Variants in SGCD observed in about 807,000 individuals in gnomAD.
SGCD encodes the protein sarcoglycan delta.
In SGCD, 18 loss-of-function variants were observed where a neutral mutation model predicts 36.6. The observed-to-expected ratio is 0.49, with a 90% CI of 0.34 to 0.73. The LOEUF is 0.73. Among genes scored for constraint, SGCD ranks in the 30% least tolerant of loss-of-function variants. The pLI is 0.01. For synonymous variants in SGCD, 133 were observed against 130.6 expected, an observed-to-expected ratio of 1.02 and a Z score of -0.12; for missense variants, 387 against 346.7, an observed-to-expected ratio of 1.12 and a Z score of -0.92.
At chr5:156,198,549 T>G (rs1010132372) in intron 3 of SGCD, among the ~76,000 whole-genome samples, 1 of 152,098 alleles carries the variant, frequency 6.6e-6, no homozygotes, top group Non-Finnish European at 1.5e-5. Flanking sequence ...GGGATTTGTA[T>G]TTAGCCTGAC....
At chr5:156,459,312 G>T (rs2127815411) in intron 3 of SGCD, among the ~76,000 whole-genome samples, 1 of 152,306 alleles carries the variant, frequency 6.6e-6, no homozygotes, top group Middle Eastern at 3.4e-3. Context: ...TGTAGTCTAA[G>T]TGGAGAGTTA....
At chr5:156,229,299 T>TATATATATATATATATAA (rs1561575035) in intron 3 of SGCD, among the ~76,000 whole-genome samples, 2 of 76,402 alleles carry the variant, frequency 2.6e-5, no homozygotes, top group Non-Finnish European at 5.5e-5. Context: ...TATATATATA[T>TATATATATATATATATAA]AAAATTAGTT....
Position 156,413,462 on chromosome 5 carries a change from T to C in SGCD, c.192+68785T>C, listed in dbSNP as rs532934030. The stretch of plus-strand genomic sequence containing the variant: ...CCTAGAAGGCCAAATGCAGGATGAA[T>C]GGTCATGTCTTGCAGTTGAAACCTT... On this transcript the variant is annotated intron_variant, in intron 3 of 8. Transcript: ENST00000337851. Among the ~76,000 whole-genome samples the C allele has an allele frequency of 3.9e-5, 6 of 152,326 alleles. No individual in the cohort carries two copies. The East Asian group carries it at 1.2e-3, about 29-fold the overall frequency.
chr5:156,175,710 A>C (rs775100251), intron 3 of SGCD, among the ~76,000 whole-genome samples: 2 of 152,252 alleles, frequency 1.3e-5, no homozygotes, highest in African/African-American at 4.8e-5. Flanking sequence ...AATATACTCC[A>C]AATAAATTCA....
chr5:156,421,609 G>A (rs1773313252), intron 3 of SGCD, among the ~76,000 whole-genome samples: 1 of 151,984 alleles, frequency 6.6e-6, no homozygotes. Context: ...ATTTCAGAGG[G>A]GGAGAATGGG....
chr5:156,501,141 T>C (rs1039931673), intron 3 of SGCD, among the ~76,000 whole-genome samples: 2 of 152,194 alleles, frequency 1.3e-5, no homozygotes, highest in African/African-American at 4.8e-5. Context: ...AAATGGTCTC[T>C]AGAATTCACG....
Position 156,449,410 on chromosome 5 carries a change from G to C in SGCD, c.193-59191G>C, listed in dbSNP as rs138794551. ...CTCTAGTAACTAGTTCACTGCCTGA[G>C]AAATTCAGTATGTTTGTGAACTGAA... On this transcript the variant is annotated intron_variant, in intron 3 of 8. Coordinates refer to ENST00000337851, the MANE Select transcript of SGCD (RefSeq NM_000337.6). Among the ~76,000 whole-genome samples, 3 of 152,114 alleles carry C rather than the reference G, an allele frequency of 2.0e-5. No homozygotes were observed. The East Asian group carries it at 5.8e-4, about 30-fold the overall frequency.
At chr5:156,571,639 G>A (rs931174959) in intron 4 of SGCD, among the ~76,000 whole-genome samples, 3 of 152,066 alleles carry the variant, frequency 2.0e-5, no homozygotes, top group East Asian at 1.9e-4. Context: ...CACAGTCTCC[G>A]TGGCCTGCTT....
the SGCD span, among the ~76,000 whole-genome samples, chr5:155,860,751 T>G: frequency 1.6e-4 from 25 of 152,198 alleles, no homozygotes; most frequent in African/African-American, 5.8e-4. Context: ...TCTCAAGAGA[T>G]TCACTTAAGA....
At chr5:156,613,326 T>A (rs1761899437) in intron 6 of SGCD, among the ~76,000 whole-genome samples, 1 of 152,204 alleles carries the variant, frequency 6.6e-6, no homozygotes, top group African/African-American at 2.4e-5. Context: ...GTTCACAAAA[T>A]AAATTTGCTT....
chr5:155,816,358 A>G, the SGCD span, among the ~76,000 whole-genome samples: 6 of 152,234 alleles, frequency 3.9e-5, no homozygotes, highest in African/African-American at 1.4e-4. Flanking sequence ...GTATTATAAT[A>G]AAGCAAGCTA....
the SGCD span, among the ~76,000 whole-genome samples, chr5:155,753,802 AC>A: frequency 1.1e-4 from 17 of 151,632 alleles, no homozygotes; most frequent in Admixed American, 1.1e-3. Context: ...GCTCTATTAT[AC>A]CCTGGATACA....
chr5:156,014,809 A>G (rs989083476), intron 1 of SGCD, among the ~76,000 whole-genome samples: 2 of 152,090 alleles, frequency 1.3e-5, no homozygotes, highest in Non-Finnish European at 2.9e-5. Flanking sequence ...CTTTCATGCT[A>G]TGACGTTTTT....
rs1561802334 is a variant in SGCD, at chr5:156,594,922, T to TCTCTCC, written c.383-10_383-9insCTCTCC. 2.5e-6 allele frequency: 4 copies of TCTCTCC among 1,576,074 alleles called. No homozygotes were observed. Among genetic ancestry groups the TCTCTCC allele is most frequent in the Non-Finnish European group, 3.5e-6 (4 of 1,150,146 alleles). ...TCCTCTCTATCTCTCTATCTCTCTA[T>TCTCTCC]ATCTCTCAGGTCCAAAAGCCGTAGA... On this transcript the variant is annotated splice_polypyrimidine_tract_variant and intron_variant, in intron 5 of 8. Transcript: ENST00000337851.
At chr5:156,633,928 G>C (rs959224409) in intron 6 of SGCD, among the ~76,000 whole-genome samples, 1 of 152,158 alleles carries the variant, frequency 6.6e-6, no homozygotes, top group African/African-American at 2.4e-5. Flanking sequence ...AGAAATCTTT[G>C]CTGAGGTGTG....
At chr5:156,508,018 A>G (rs1302888386) in intron 3 of SGCD, among the ~76,000 whole-genome samples, 1 of 152,160 alleles carries the variant, frequency 6.6e-6, no homozygotes, top group Non-Finnish European at 1.5e-5. Context: ...ATAGATAATA[A>G]TAGCCATAAA....
chr5:155,757,151 T>A, the SGCD span, among the ~76,000 whole-genome samples: 1 of 152,228 alleles, frequency 6.6e-6, no homozygotes, highest in African/African-American at 2.4e-5. Context: ...GCAAACATGC[T>A]CGTCTTGGAA....
At chr5:156,246,624 G>A (rs116604080) in intron 3 of SGCD, among the ~76,000 whole-genome samples, 2,354 of 152,184 alleles carry the variant, frequency 0.015, 25 homozygotes, top group Non-Finnish European at 0.026. Flanking sequence ...TGCTAAAGCC[G>A]GAGAAATTTT....
chr5:155,804,499 T>G, the SGCD span, among the ~76,000 whole-genome samples: 1 of 152,338 alleles, frequency 6.6e-6, no homozygotes, highest in South Asian at 2.1e-4. Context: ...GCTGTATGAT[T>G]GTATCCACTG....
Sources: allele counts gnomAD v4.1 joint callset (sites outside exome capture counted in the v4.1 genomes callset), GRCh38; gene constraint gnomAD v4.1.1; transcripts MANE v1.5; gene names NCBI Gene and HGNC (gene_info 2026-07-23, HGNC 2026-07-21).